ADAM7: variants seen among roughly 807,000 people sequenced by gnomAD.
ADAM7 encodes disintegrin and metalloproteinase domain-containing protein 7.
In ADAM7, 97 loss-of-function variants were observed where a neutral mutation model predicts 102.9. The ratio of observed to expected loss-of-function variants is 0.94; its 90% confidence interval spans 0.80 to 1.12. The LOEUF is 1.12. Ranked by LOEUF, ADAM7 falls within the 50% of genes most tolerant of loss-of-function variation. The pLI is 0.00. For missense variants in ADAM7, 991 were observed against 908.7 expected, an observed-to-expected ratio of 1.09 and a Z score of -1.16; for synonymous variants, 334 against 304.4, an observed-to-expected ratio of 1.10 and a Z score of -1.01.
intron 9 of ADAM7, among the ~76,000 whole-genome samples, chr8:24,483,864 A>G (rs1820044146): frequency 1.3e-5 from 2 of 152,190 alleles, no homozygotes; most frequent in South Asian, 2.1e-4. Context: ...CTACTTTAGA[A>G]CACCTCCGAT....
chr8:24,505,020 TA>T (rs1461445379), intron 20 of ADAM7, among the ~76,000 whole-genome samples: 1 of 152,196 alleles, frequency 6.6e-6, no homozygotes, highest in African/African-American at 2.4e-5. Context: ...CGCATGATGC[TA>T]ATGTAATTCT....
At chr8:24,442,652 A>G (rs533836643) in intron 2 of ADAM7, 76 bp downstream of exon 2, 1 of 1,159,236 alleles carries the variant, frequency 8.6e-7, no homozygotes, top group East Asian at 2.3e-5. Context: ...CTCCAACCAG[A>G]AGCAAATAGG....
chr8:24,476,560 T>G lies in ADAM7; in HGVS notation c.705+56T>G, dbSNP rs374050534. On this transcript the variant is annotated intron_variant, in intron 8 of 21. Coordinates refer to ENST00000175238, the MANE Select transcript of ADAM7 (RefSeq NM_003817.4). ...CAATAATACGAATGCAAAGAACCTTTCAGCGCAGTTCTCTGCTGGACTATT... is the reference window on the plus strand; with the variant it reads ...CAATAATACGAATGCAAAGAACCTTGCAGCGCAGTTCTCTGCTGGACTATT... 291 of 1,381,574 alleles carry G rather than the reference T, an allele frequency of 2.1e-4. 1 individual carries two copies. Among genetic ancestry groups the G allele is most frequent in the Non-Finnish European group, 3.2e-5 (31 of 975,280 alleles). The allele number at this position is 1,381,574 out of a possible 1,614,324, so 85.6% of individuals were successfully genotyped here.
At chr8:24,458,887 G>A (rs1819137229) in intron 3 of ADAM7, among the ~76,000 whole-genome samples, 1 of 151,648 alleles carries the variant, frequency 6.6e-6, no homozygotes, top group Non-Finnish European at 1.5e-5. Flanking sequence ...ACTGATTTTT[G>A]TTCATTATAC....
intron 8 of ADAM7, among the ~76,000 whole-genome samples, chr8:24,477,490 TTG>T (rs1819803645): frequency 6.6e-6 from 1 of 151,978 alleles, no homozygotes; most frequent in African/African-American, 2.4e-5. Context: ...CTACTTTATT[TTG>T]TTGCTCAAAC....
intron 16 of ADAM7, among the ~76,000 whole-genome samples, chr8:24,498,001 T>C (rs1820618316): frequency 6.6e-6 from 1 of 151,986 alleles, no homozygotes; most frequent in Non-Finnish European, 1.5e-5. Flanking sequence ...CTCTCACACA[T>C]ATTATAACTA....
intron 18 of ADAM7, among the ~76,000 whole-genome samples, chr8:24,500,579 G>A (rs989700513): frequency 1.2e-4 from 19 of 152,020 alleles, no homozygotes; most frequent in African/African-American, 4.3e-4. Flanking sequence ...TAAATATAAC[G>A]GAATATTGGG....
At position 24,442,566 on chromosome 8, in the gene ADAM7, A is replaced by T; in HGVS notation, c.146A>T (p.Asp49Val). The T allele has an allele frequency of 6.2e-7, 1 of 1,612,918 alleles. No individual in the cohort carries two copies. The highest frequency in any genetic ancestry group is 1.1e-5 in the South Asian group (1 of 91,056). Residue 49 changes from aspartate to valine, a missense_variant, in exon 2 of 22, where the codon GAT becomes GTT. Asp to Val is a radical substitution (Grantham distance 152). Coordinates refer to ENST00000175238, the MANE Select transcript of ADAM7 (RefSeq NM_003817.4). ...CGAGATACTGGACACACCCATGATG[A>T]TGACATACTGGTACAAGTTTTGATT... ...QKRDTGHTHDDDILKTYEEEL... is the reference protein window; with the variant it reads ...QKRDTGHTHDVDILKTYEEEL...
chr8:24,491,818 T>G, intron 13 of ADAM7, 85 bp from the exon 14 acceptor site: 1 of 1,164,910 alleles, frequency 8.6e-7, no homozygotes. Flanking sequence ...CTTTTTTGGA[T>G]GAATGGGTCA....
intron 7 of ADAM7, among the ~76,000 whole-genome samples, chr8:24,471,326 G>T (rs1819595371): frequency 6.6e-6 from 1 of 151,982 alleles, no homozygotes; most frequent in Non-Finnish European, 1.5e-5. Flanking sequence ...CAAGTATAGA[G>T]TGTTTACAAA....
In ADAM7 at chr8:24,493,030, GC is replaced by G; in HGVS notation, c.1656-11del. On this transcript the variant is annotated splice_polypyrimidine_tract_variant and intron_variant, in intron 15 of 21. Coordinates refer to ENST00000175238, the MANE Select transcript of ADAM7 (RefSeq NM_003817.4). ...TTCTAGTTCCAAGTTTGAATATTCTGCCTTTCCTTCAGAGATGTCAGATGTG... is the reference window on the plus strand; with the variant it reads ...TTCTAGTTCCAAGTTTGAATATTCTGCTTTCCTTCAGAGATGTCAGATGTG... 1 of 1,555,412 alleles carries G rather than the reference GC, an allele frequency of 6.4e-7. No homozygotes were observed. The highest frequency in any genetic ancestry group is 8.6e-7 in the Non-Finnish European group (1 of 1,157,346).
In ADAM7 at chr8:24,500,880, T is replaced by G. The variant is rs1179814999; in HGVS notation, c.2093T>G (p.Leu698Trp). 2.5e-6 allele frequency: 4 copies of G among 1,611,674 alleles called. No individual in the cohort carries two copies. Among genetic ancestry groups the G allele is most frequent in the Non-Finnish European group, 3.4e-6 (4 of 1,178,212 alleles). Residue 698 changes from leucine (L) to tryptophan (W), a missense_variant, in exon 19 of 22, where the codon TTG becomes TGG. By Grantham distance (61) the Leu-to-Trp change is moderately conservative. Coordinates refer to ENST00000175238, the MANE Select transcript of ADAM7 (RefSeq NM_003817.4). ...GTTCGTTACCGAAAATGTATCAAGT[T>G]GAAGCAAGTTCAGAGGTACATTTAC... Reference protein sequence around the residue: ...LLVRYRKCIKLKQVQSPPTET... With the variant: ...LLVRYRKCIKWKQVQSPPTET...
At chr8:24,460,740 T>C (rs1196333287) in intron 3 of ADAM7, among the ~76,000 whole-genome samples, 1 of 123,406 alleles carries the variant, frequency 8.1e-6, no homozygotes, top group African/African-American at 3.3e-5. Flanking sequence ...TGTGTGTATA[T>C]ATATGTATGT....
At chr8:24,470,399 T>C (rs1819565340) in intron 7 of ADAM7, among the ~76,000 whole-genome samples, 1 of 152,094 alleles carries the variant, frequency 6.6e-6, no homozygotes, top group Non-Finnish European at 1.5e-5. Context: ...AAACTTTAAT[T>C]GTAATCACTA....
At chr8:24,468,869 T>C (rs746023611) in intron 7 of ADAM7, 49 bp downstream of exon 7, 1 of 1,510,212 alleles carries the variant, frequency 6.6e-7, no homozygotes, top group Non-Finnish European at 9.2e-7. Flanking sequence ...TTTTGGAACT[T>C]GTAGTTATCA....
chr8:24,504,145 G>T (rs558918735), intron 20 of ADAM7, among the ~76,000 whole-genome samples: 1 of 151,956 alleles, frequency 6.6e-6, no homozygotes, highest in African/African-American at 2.4e-5. Flanking sequence ...AGGCAAGAGG[G>T]TAATTTGAGG....
chr8:24,442,019 C>G (rs1245444071), intron 1 of ADAM7, among the ~76,000 whole-genome samples: 2 of 151,970 alleles, frequency 1.3e-5, no homozygotes, highest in African/African-American at 4.8e-5. Flanking sequence ...ACTAAAAATA[C>G]AAAAATTAGC....
At chr8:24,457,957 G>T (rs746590463) in intron 3 of ADAM7, among the ~76,000 whole-genome samples, 1 of 151,506 alleles carries the variant, frequency 6.6e-6, no homozygotes, top group East Asian at 1.9e-4. Flanking sequence ...AGTCCATTTT[G>T]ATGAATTGTC....
intron 11 of ADAM7, 130 bp downstream of exon 11, chr8:24,487,447 G>C: frequency 2.6e-6 from 3 of 1,153,210 alleles, no homozygotes; most frequent in Non-Finnish European, 3.4e-6. Flanking sequence ...AGGAGTTCGA[G>C]ACCAGCCTGG....
Sources: gnomAD v4.1 joint callset for allele counts (sites outside exome capture counted in the v4.1 genomes callset) on GRCh38, gnomAD v4.1.1 for gene constraint, MANE v1.5 for transcripts, NCBI Gene and HGNC (gene_info 2026-07-23, HGNC 2026-07-21) for gene names.